The following MXRA5 variants were observed in gnomAD, a reference collection of about 807,000 sequenced individuals.
The protein encoded by MXRA5 is matrix-remodeling-associated protein 5.
A neutral mutation model predicts 112.5 loss-of-function variants in MXRA5; 41 were observed. That is an observed-to-expected ratio of 0.36 (90% CI 0.28 to 0.47). The LOEUF is 0.47. MXRA5 is among the 20% of genes least tolerant of loss of function. MXRA5 has a pLI of 0.99. For missense variants in MXRA5, 2,150 were observed against 2,251.0 expected, an observed-to-expected ratio of 0.96 and a Z score of 0.91; for synonymous variants, 862 against 900.8, an observed-to-expected ratio of 0.96 and a Z score of 0.77.
chrX:3,325,503 GATAT>G (rs1921436420), intron 4 of MXRA5, among the ~76,000 whole-genome samples: 1 of 102,899 alleles, frequency 9.7e-6, no homozygotes, highest in Non-Finnish European at 2.0e-5. Flanking sequence ...TATCTTAATA[GATAT>G]ATAGATAGAT....
chrX:3,325,917 AAATTTATAATATATAATTTATAATTGT>A (rs1921464590), intron 4 of MXRA5, among the ~76,000 whole-genome samples: 1 of 20,415 alleles, frequency 4.9e-5, no homozygotes, highest in African/African-American at 1.4e-4. Context: ...TTTAAATCAT[AAATTTATAATATATAATTTATAATTGT>A]AATTTATAAT....
intron 4 of MXRA5, among the ~76,000 whole-genome samples, chrX:3,326,487 G>A (rs1000419890): frequency 1.7e-4 from 17 of 101,949 alleles, no homozygotes; most frequent in East Asian, 1.2e-3. Flanking sequence ...CAATATGTAT[G>A]TATCTAGGTA....
chrX:3,324,395 T>C lies in MXRA5; in HGVS notation c.1290A>G (p.Glu430=). 1 of 1,211,575 alleles carries C rather than the reference T, an allele frequency of 8.3e-7. No individual in the cohort carries two copies. Among genetic ancestry groups the C allele is most frequent in the Non-Finnish European group, 1.1e-6 (1 of 895,489 alleles). The change falls in exon 5 of 7, where the codon GAA becomes GAG. Residue 430 remains glutamate (E), a synonymous_variant. Transcript: ENST00000217939. ...TATCTATGGATGGCTGCATGACCCA[T>C]TCTGGTTCTGCAAGAATCTGGGCTC... The part of the protein sequence containing the change: ...GVRAQILAEP[E]WVMQPSIDIQ...
Position 3,320,258 on chromosome X carries a change from G to T in MXRA5, c.5427C>A (p.Val1809=). The change falls in exon 5 of 7, where the codon GTC becomes GTA. Residue 1809 remains valine, a synonymous_variant. Transcript: ENST00000217939. ...AGGAGATAGAACTCTGGGTGGAAGA[G>T]ACCATAGGGATATTCTGTAAGTTAG... ...PSTNLQNIPM[V]SSTQSSISFI... is the part of the protein sequence containing the mutation. 8.3e-7 allele frequency: 1 copy of T among 1,211,035 alleles called. No individual in the cohort carries two copies. The highest frequency in any genetic ancestry group is 1.8e-5 in the South Asian group (1 of 56,905).
In MXRA5 at chrX:3,314,591, C is replaced by T. The variant is rs1397115601; in HGVS notation, c.6578+2512G>A. Among the ~76,000 whole-genome samples, 3 of 111,152 alleles carry T rather than the reference C, an allele frequency of 2.7e-5. No individual in the cohort carries two copies. In the South Asian group the frequency reaches 1.2e-3, roughly 43 times the overall value. ...TGGATGGATAGGTTAGGTAGATAGA[C>T]ATGGATGGATGGATAAGCAGGTATA... On this transcript the variant is annotated intron_variant, in intron 6 of 6. Coordinates refer to ENST00000217939, the MANE Select transcript of MXRA5 (RefSeq NM_015419.4).
intron 4 of MXRA5, 149 bp downstream of exon 4, chrX:3,329,869 G>A (rs1010114142): frequency 1.5e-5 from 10 of 654,475 alleles, no homozygotes; most frequent in Middle Eastern, 1.0e-3. Context: ...TTTAAAGTCT[G>A]AGTTCCTGTC....
intron 2 of MXRA5, among the ~76,000 whole-genome samples, chrX:3,335,017 T>A (rs1423091140): frequency 5.4e-5 from 6 of 111,332 alleles, no homozygotes; most frequent in Non-Finnish European, 5.7e-5. Flanking sequence ...TGACTGTGTA[T>A]TCTTGGATGC....
chrX:3,325,520 CAT>C (rs1348398628), intron 4 of MXRA5, among the ~76,000 whole-genome samples: 28 of 103,363 alleles, frequency 2.7e-4, no homozygotes, highest in South Asian at 2.0e-3. Flanking sequence ...AGATAGATAA[CAT>C]ATAGATATAT....
chrX:3,337,095 T>A (rs1460505329), intron 2 of MXRA5, among the ~76,000 whole-genome samples: 1 of 111,867 alleles, frequency 8.9e-6, no homozygotes, highest in Admixed American at 9.5e-5. Flanking sequence ...TAGAAGGGGT[T>A]TGGTTGGCCG....
At position 3,323,725 on chromosome X, in the gene MXRA5, C is replaced by T. The variant is rs778913825; in HGVS notation, c.1960G>A (p.Val654Ile). The T allele has an allele frequency of 5.0e-6, 6 of 1,211,361 alleles. No homozygotes were observed. Among genetic ancestry groups the T allele is most frequent in the Non-Finnish European group, 6.7e-6 (6 of 895,114 alleles). Residue 654 changes from valine to isoleucine, a missense_variant, in exon 5 of 7, where the codon GTC becomes ATC. Physicochemically the swap from Val to Ile is conservative, Grantham distance 29. Transcript: ENST00000217939. Reference protein sequence around the residue: ...SDSGYYRCVAVNQQGADHFTV... With the variant: ...SDSGYYRCVAINQQGADHFTV... Reference sequence around the variant, plus strand: ...AAATGGTCTGCCCCTTGCTGGTTGACAGCCACACATCTGTAGTAACCACTG... The same window carrying T: ...AAATGGTCTGCCCCTTGCTGGTTGATAGCCACACATCTGTAGTAACCACTG...
At chrX:3,343,517 T>C in intron 2 of MXRA5, 129 bp downstream of exon 2, 1 of 668,385 alleles carries the variant, frequency 1.5e-6, no homozygotes, top group Non-Finnish European at 2.2e-6. Context: ...TGCAGCTCCA[T>C]AATTCTCGAC....
intron 6 of MXRA5, among the ~76,000 whole-genome samples, chrX:3,313,888 A>G (rs1921027133): frequency 8.9e-6 from 1 of 111,999 alleles, no homozygotes; most frequent in African/African-American, 3.2e-5. Context: ...TTCTGGATTG[A>G]TTGTGCAAGC....
chrX:3,321,180 G>A lies in MXRA5; in HGVS notation c.4505C>T (p.Ser1502Phe). ...CTTAGTGGTGGTGGTTTGTCCCAAA[G>A]ACATGAGAATTGTGGATGGGGACGA... ...ASSSPSTILMSLGQTTTTKPA... is the reference protein window; with the variant it reads ...ASSSPSTILMFLGQTTTTKPA... Residue 1502 changes from serine (S) to phenylalanine (F), a missense_variant, in exon 5 of 7, where the codon TCT (serine) becomes TTT (phenylalanine). This residue lies in a region of MXRA5 where 1,485 missense variants were observed against 1,471.6 expected (regional missense o/e 1.01). Coordinates refer to ENST00000217939, the MANE Select transcript of MXRA5 (RefSeq NM_015419.4). The A allele has an allele frequency of 8.3e-7, 1 of 1,211,814 alleles. No homozygotes were observed. Among genetic ancestry groups the A allele is most frequent in the Non-Finnish European group, 1.1e-6 (1 of 895,417 alleles).
At position 3,323,730 on chromosome X, in the gene MXRA5, A is replaced by C; in HGVS notation, c.1955T>G (p.Val652Gly). 8.3e-7 allele frequency: 1 copy of C among 1,211,568 alleles called. No individual in the cohort carries two copies. The highest frequency in any genetic ancestry group is 1.1e-6 in the Non-Finnish European group (1 of 895,253). The change falls in exon 5 of 7, where the codon GTG (valine) becomes GGG (glycine). Residue 652 changes from valine (V) to glycine (G), a missense_variant. Val to Gly is a moderately radical substitution (Grantham distance 109). Coordinates refer to ENST00000217939, the MANE Select transcript of MXRA5 (RefSeq NM_015419.4). ...QVSDSGYYRC[V>G]AVNQQGADHF... The stretch of plus-strand genomic sequence containing the variant: ...GTCTGCCCCTTGCTGGTTGACAGCC[A>C]CACATCTGTAGTAACCACTGTCACT...
chrX:3,324,580 T>C lies in MXRA5; in HGVS notation c.1105A>G (p.Met369Val), dbSNP rs140465173. ...AGCTTTTCATAGTTTTCTCGGGTCA[T>C]TGGACACTCAAAGTCCAAGGCAACT... Reference protein sequence around the residue: ...ATVALDFECPMTRENYEKLWK... With the variant: ...ATVALDFECPVTRENYEKLWK... Residue 369 changes from methionine (M) to valine (V), a missense_variant, in exon 5 of 7, where the codon ATG (methionine) becomes GTG (valine). Transcript: ENST00000217939. The C allele has an allele frequency of 1.8e-5, 22 of 1,209,886 alleles. No homozygotes were observed. The highest frequency in any genetic ancestry group is 3.5e-5 in the African/African-American group (2 of 57,205).
At chrX:3,342,299 C>A (rs1355635853) in intron 2 of MXRA5, among the ~76,000 whole-genome samples, 2 of 110,966 alleles carry the variant, frequency 1.8e-5, no homozygotes, top group African/African-American at 6.6e-5. Context: ...AGCAAACCAC[C>A]AGGGCACACA....
Position 3,317,132 on chromosome X carries a change from C to T in MXRA5, c.6549G>A (p.Pro2183=), listed in dbSNP as rs775422507. 14 of 1,183,880 alleles carry T rather than the reference C, an allele frequency of 1.2e-5. No individual in the cohort carries two copies. Among genetic ancestry groups the T allele is most frequent in the African/African-American group, 1.8e-5 (1 of 56,983 alleles). ...DPWPRILWRL[P]SKRMIDALFS... ...AGAGCGCGTCGATCATCCTCTTGGACGGCAGCCTCCAGAGGATGCGCGGCC... is the reference window on the plus strand; with the variant it reads ...AGAGCGCGTCGATCATCCTCTTGGATGGCAGCCTCCAGAGGATGCGCGGCC... Residue 2183 remains proline, a synonymous_variant, in exon 6 of 7, where the codon CCG becomes CCA. Transcript: ENST00000217939.
Position 3,330,186 on chromosome X carries a change from T to C in MXRA5, c.541A>G (p.Arg181Gly). The change falls in exon 4 of 7, where the codon AGA becomes GGA. Residue 181 changes from arginine to glycine, a missense_variant. By Grantham distance (125) the Arg-to-Gly change is moderately radical. This residue lies in a region of MXRA5 where 386 missense variants were observed against 411.0 expected (regional missense o/e 0.94). Transcript: ENST00000217939. ...TAGAGGTGCCTTATGGTGGAGAGTC[T>C]GAAATAATCCAAAAATGTGAACGTG... ...FSTFTFLDYF[R>G]LSTIRHLYLA... 8.3e-7 allele frequency: 1 copy of C among 1,209,372 alleles called. No individual in the cohort carries two copies.
Position 3,324,133 on chromosome X carries a change from C to T in MXRA5, c.1552G>A (p.Gly518Ser). The change falls in exon 5 of 7, where the codon GGC becomes AGC. Residue 518 changes from glycine to serine, a missense_variant. By Grantham distance (56) the Gly-to-Ser change is moderately conservative. This residue lies in a region of MXRA5 where 386 missense variants were observed against 411.0 expected (regional missense o/e 0.94). Coordinates refer to ENST00000217939, the MANE Select transcript of MXRA5 (RefSeq NM_015419.4). ...TCCATGGGCGCTTTCAGGATGGAGC[C>T]ATCTGGAAGCACCCAGAAGATAGAT... ...SPSIFWVLPD[G>S]SILKAPMDDP... is the part of the protein sequence containing the mutation. 5.0e-6 allele frequency: 6 copies of T among 1,211,289 alleles called. No individual in the cohort carries two copies. Among genetic ancestry groups the T allele is most frequent in the Non-Finnish European group, 6.7e-6 (6 of 895,451 alleles).
Sources: gnomAD v4.1 joint callset for allele counts (sites outside exome capture counted in the v4.1 genomes callset) on GRCh38, gnomAD v4.1.1 for gene constraint, gnomAD v4.1.1 regional missense constraint, MANE v1.5 for transcripts, NCBI Gene and HGNC (gene_info 2026-07-23, HGNC 2026-07-21) for gene names.